The following CRACD variants were observed in gnomAD, a reference collection of about 807,000 sequenced individuals.
The protein encoded by CRACD is capping protein inhibiting regulator of actin dynamics, also known as capping protein-inhibiting regulator of actin dynamics.
A neutral mutation model predicts 106.8 loss-of-function variants in CRACD; 56 were observed. The ratio of observed to expected loss-of-function variants is 0.52; its 90% confidence interval spans 0.42 to 0.66. CRACD has a LOEUF of 0.66. CRACD is among the 30% of genes least tolerant of loss of function. The probability of loss-of-function intolerance (pLI) is 0.00; values close to 1 mark genes in which losing one functional copy is unlikely to be tolerated. For missense variants in CRACD, 1,730 were observed against 1,623.2 expected, an observed-to-expected ratio of 1.07 and a Z score of -1.13; for synonymous variants, 754 against 670.8, an observed-to-expected ratio of 1.12 and a Z score of -1.92.
At chr4:56,134,425 TC>T (rs1734932248) in intron 1 of CRACD, among the ~76,000 whole-genome samples, 6 of 151,952 alleles carry the variant, frequency 3.9e-5, no homozygotes, top group Admixed American at 3.9e-4. Context: ...ATTCCTGCCC[TC>T]CCCCGCAATT....
At chr4:56,216,777 G>A (rs1208467646) in intron 2 of CRACD, among the ~76,000 whole-genome samples, 2 of 151,302 alleles carry the variant, frequency 1.3e-5, no homozygotes, top group Admixed American at 6.6e-5. Context: ...TCAGGAGATC[G>A]AGACCATCCT....
intron 1 of CRACD, among the ~76,000 whole-genome samples, chr4:56,147,944 C>T (rs528123747): frequency 9.9e-5 from 15 of 152,202 alleles, no homozygotes; most frequent in Admixed American, 2.6e-4. Flanking sequence ...ATGAGGTAGT[C>T]GGTTGGGCCC....
chr4:56,188,877 C>CAAAAT (rs10627376), intron 2 of CRACD, among the ~76,000 whole-genome samples: 121,148 of 151,506 alleles, frequency 0.8, 49,144 homozygotes, highest in African/African-American at 0.94. Context: ...ATACCTATCT[C>CAAAAT]TAAACCATAA....
chr4:56,273,842 G>A (rs1157117569), intron 3 of CRACD, among the ~76,000 whole-genome samples: 1 of 152,194 alleles, frequency 6.6e-6, no homozygotes, highest in South Asian at 2.1e-4. Flanking sequence ...TAAGCTAAGC[G>A]GAAGGAATAG....
chr4:56,076,451 G>A (rs1030013457), intron 1 of CRACD, among the ~76,000 whole-genome samples: 3 of 152,124 alleles, frequency 2.0e-5, no homozygotes, highest in African/African-American at 7.2e-5. Context: ...AATTATTGAA[G>A]AATTGCAAAA....
At chr4:56,133,474 C>T (rs1199404195) in intron 1 of CRACD, among the ~76,000 whole-genome samples, 1 of 152,120 alleles carries the variant, frequency 6.6e-6, no homozygotes, top group Admixed American at 6.5e-5. Flanking sequence ...TCAATTGTCA[C>T]CCAACAAATA....
At chr4:56,259,807 G>T (rs188840055) in intron 2 of CRACD, among the ~76,000 whole-genome samples, 6 of 152,254 alleles carry the variant, frequency 3.9e-5, no homozygotes, top group Admixed American at 3.3e-4. Flanking sequence ...GGGGTGATTG[G>T]TCCTGATTAC....
intron 1 of CRACD, among the ~76,000 whole-genome samples, chr4:56,142,626 C>T (rs1304834193): frequency 2.0e-5 from 3 of 152,108 alleles, no homozygotes; most frequent in African/African-American, 7.2e-5. Flanking sequence ...ATAAAAGTCA[C>T]TTCTTTCAGC....
chr4:56,107,937 A>G (rs1734002535), intron 1 of CRACD, among the ~76,000 whole-genome samples: 1 of 152,234 alleles, frequency 6.6e-6, no homozygotes, highest in Non-Finnish European at 1.5e-5. Context: ...AAAAGGAGCC[A>G]TGCACATCAA....
intron 2 of CRACD, among the ~76,000 whole-genome samples, chr4:56,247,860 AAAG>A (rs1432507270): frequency 2.6e-5 from 4 of 151,738 alleles, no homozygotes; most frequent in African/African-American, 9.7e-5. Context: ...AAAAAAAAAA[AAAG>A]AGAGAGAGAG....
At chr4:56,067,564 A>G (rs547150959) in intron 1 of CRACD, among the ~76,000 whole-genome samples, 2 of 152,264 alleles carry the variant, frequency 1.3e-5, no homozygotes, top group South Asian at 4.1e-4. Context: ...CATTTGCATG[A>G]CAAGTTCTCT....
At chr4:56,186,213 A>G (rs949005457) in intron 2 of CRACD, among the ~76,000 whole-genome samples, 1 of 152,204 alleles carries the variant, frequency 6.6e-6, no homozygotes, top group African/African-American at 2.4e-5. Flanking sequence ...ATGGTAGAAG[A>G]GCTCTTGGTC....
intron 1 of CRACD, among the ~76,000 whole-genome samples, chr4:56,160,605 A>C (rs968236256): frequency 6.6e-6 from 1 of 152,238 alleles, no homozygotes; most frequent in Admixed American, 6.5e-5. Flanking sequence ...ATAAAAGGGC[A>C]CTGAATGCAG....
intron 4 of CRACD, among the ~76,000 whole-genome samples, chr4:56,306,174 G>C (rs1056507739): frequency 6.6e-6 from 1 of 152,128 alleles, no homozygotes; most frequent in Non-Finnish European, 1.5e-5. Flanking sequence ...TTGCAGCTCT[G>C]TGGGGTTAAA....
chr4:56,265,374 G>A (rs1159622918), intron 2 of CRACD, among the ~76,000 whole-genome samples: 1 of 151,238 alleles, frequency 6.6e-6, no homozygotes, highest in African/African-American at 2.4e-5. Context: ...CATCTTTACT[G>A]AGCAGTGTAC....
intron 2 of CRACD, among the ~76,000 whole-genome samples, chr4:56,191,373 C>T (rs568062806): frequency 7.2e-5 from 11 of 152,060 alleles, no homozygotes; most frequent in African/African-American, 2.4e-4. Context: ...TCCAGTCTTC[C>T]TCTCTCCCTC....
At chr4:56,238,504 AG>A (rs1461229474) in intron 2 of CRACD, among the ~76,000 whole-genome samples, 1 of 152,240 alleles carries the variant, frequency 6.6e-6, no homozygotes, top group Non-Finnish European at 1.5e-5. Context: ...AGGCCCACCC[AG>A]GTGGAGCAAG....
intron 2 of CRACD, among the ~76,000 whole-genome samples, chr4:56,271,737 T>A (rs1742358465): frequency 6.6e-6 from 1 of 152,082 alleles, no homozygotes; most frequent in African/African-American, 2.4e-5. Flanking sequence ...CTTTTTCTTT[T>A]TTATTTTATT....
At chr4:56,181,698 G>A (rs1736827364) in intron 2 of CRACD, among the ~76,000 whole-genome samples, 1 of 152,138 alleles carries the variant, frequency 6.6e-6, no homozygotes, top group Non-Finnish European at 1.5e-5. Flanking sequence ...GGTGGTTGTT[G>A]GCAATCCTCG....
Sources: allele counts gnomAD v4.1 joint callset (sites outside exome capture counted in the v4.1 genomes callset), GRCh38; gene constraint gnomAD v4.1.1; transcripts MANE v1.5; gene names NCBI Gene and HGNC (gene_info 2026-07-23, HGNC 2026-07-21).